The following SYT1 variants were observed in gnomAD, a reference collection of about 807,000 sequenced individuals.
The protein encoded by SYT1 is synaptotagmin-1.
Under a neutral mutation model 44.8 loss-of-function variants are expected in SYT1, and 8 were observed. The observed-to-expected ratio is 0.18, with a 90% CI of 0.10 to 0.32. SYT1 has a LOEUF of 0.32. Ranked by LOEUF, SYT1 falls within the 10% of genes least tolerant of loss-of-function variation. The pLI is 1.00. For synonymous variants in SYT1, 154 were observed against 188.8 expected (o/e 0.82, Z 1.51); for missense variants, 286 against 509.3 (o/e 0.56, Z 4.22).
chr12:79,042,234 G>A (rs958569824), intron 2 of SYT1, among the ~76,000 whole-genome samples: 3 of 151,912 alleles, frequency 2.0e-5, no homozygotes, highest in South Asian at 2.1e-4. Flanking sequence ...GGTAGAATTC[G>A]GCTGTGAATC....
chr12:79,400,187 C>G (rs941515699), intron 9 of SYT1, among the ~76,000 whole-genome samples: 1 of 152,124 alleles, frequency 6.6e-6, no homozygotes, highest in African/African-American at 2.4e-5. Context: ...CTAACTTATC[C>G]TTTATGTTTA....
chr12:79,166,927 T>G (rs1423473700), intron 3 of SYT1, among the ~76,000 whole-genome samples: 1 of 152,086 alleles, frequency 6.6e-6, no homozygotes, highest in African/African-American at 2.4e-5. Context: ...AACGAGGATA[T>G]AATTTCTACC....
chr12:79,036,459 TAAAAGAATGTTTACATAA>T (rs1422403181), intron 2 of SYT1: 1 of 151,836 alleles, frequency 6.6e-6, no homozygotes, highest in Non-Finnish European at 1.5e-5. Context: ...GACCCTGTAG[TAAAAGAATGTTTACATAA>T]ACTCCTACCA....
chr12:79,248,015 C>T (rs1435074157), intron 4 of SYT1, among the ~76,000 whole-genome samples: 10 of 151,986 alleles, frequency 6.6e-5, no homozygotes, highest in Non-Finnish European at 2.9e-5. Flanking sequence ...AAGAATAGTC[C>T]GAATAATTAA....
intron 1 of SYT1, among the ~76,000 whole-genome samples, chr12:78,928,514 A>G (rs1173412561): frequency 6.6e-6 from 1 of 152,096 alleles, no homozygotes; most frequent in Non-Finnish European, 1.5e-5. Context: ...TTTTTCCCTT[A>G]AAGGAAGCAC....
intron 4 of SYT1, among the ~76,000 whole-genome samples, chr12:79,246,358 C>G (rs1428253804): frequency 2.0e-5 from 3 of 152,184 alleles, no homozygotes; most frequent in Non-Finnish European, 2.9e-5. Flanking sequence ...TTTCATAAGT[C>G]CATTCCAGTT....
chr12:79,017,240 C>T (rs1030608069), intron 2 of SYT1, among the ~76,000 whole-genome samples: 6 of 152,098 alleles, frequency 3.9e-5, no homozygotes, highest in East Asian at 1.9e-4. Context: ...AATTGTAGTA[C>T]ATTCATTTTA....
rs566175647 is a variant in SYT1, at chr12:78,894,330, G to GTTTTTTTTTTTTTTTTTTTTTTTTTT, written c.-217+29231_-217+29256dup. Reference sequence around the variant, plus strand: ...AATTTATGATTGTGTTTTTTAATCTGTTTTTTTTTTTTTTTTTTTTTTTTT... The same window carrying GTTTTTTTTTTTTTTTTTTTTTTTTTT: ...AATTTATGATTGTGTTTTTTAATCTGTTTTTTTTTTTTTTTTTTTTTTTTTTTTTTTTTTTTTTTTTTTTTTTTTTT... On this transcript the variant is annotated intron_variant, in intron 1 of 10. Transcript: ENST00000261205. Among the ~76,000 whole-genome samples, 10 of 27,730 alleles carry GTTTTTTTTTTTTTTTTTTTTTTTTTT rather than the reference G, an allele frequency of 3.6e-4. 3 individuals are homozygous for GTTTTTTTTTTTTTTTTTTTTTTTTTT. Among genetic ancestry groups the GTTTTTTTTTTTTTTTTTTTTTTTTTT allele is most frequent in the South Asian group, 2.1e-3 (1 of 466 alleles). 18.2% of individuals were successfully genotyped at this position (27,730 alleles called of 152,430 possible). A position where few individuals can be genotyped will look rare whatever the true frequency, so the allele number is the denominator to read the frequency against.
At chr12:79,091,539 T>C (rs1877775165) in intron 3 of SYT1, among the ~76,000 whole-genome samples, 1 of 152,006 alleles carries the variant, frequency 6.6e-6, no homozygotes, top group South Asian at 2.1e-4. Flanking sequence ...GATTTTAAGT[T>C]GTTATTGTGA....
intron 1 of SYT1, among the ~76,000 whole-genome samples, chr12:78,934,575 A>T (rs1004347460): frequency 6.6e-6 from 1 of 152,060 alleles, no homozygotes; most frequent in Non-Finnish European, 1.5e-5. Flanking sequence ...AACAACAGAA[A>T]AAACACTTGT....
chr12:79,146,190 T>C (rs1043245570), intron 3 of SYT1, among the ~76,000 whole-genome samples: 15 of 152,188 alleles, frequency 9.9e-5, no homozygotes, highest in Non-Finnish European at 2.2e-4. Flanking sequence ...CCTAACCATC[T>C]TTCAGCCCTA....
At chr12:78,988,736 G>A (rs780622666) in intron 2 of SYT1, among the ~76,000 whole-genome samples, 2 of 152,036 alleles carry the variant, frequency 1.3e-5, no homozygotes, top group Non-Finnish European at 2.9e-5. Context: ...GAAATGACAT[G>A]GAGTTGTGAT....
rs1032115772 is a variant in SYT1, at chr12:79,449,491, G to C, written c.*367G>C. ...GTGTATATCTAGATGTTTTTAATAA[G>C]ATGTTCTATTTTAAACTATGTAAAT... On this transcript the variant is annotated 3_prime_UTR_variant, in exon 11 of 11. Transcript: ENST00000261205. 1 of 197,596 alleles carries C rather than the reference G, an allele frequency of 5.1e-6. No homozygotes were observed. Among genetic ancestry groups the C allele is most frequent in the African/African-American group, 2.4e-5 (1 of 42,334 alleles). 12.2% of individuals were successfully genotyped at this position (197,596 alleles called of 1,614,324 possible). A position where few individuals can be genotyped will look rare whatever the true frequency, so the allele number is the denominator to read the frequency against.
At chr12:78,962,326 T>C (rs1197283321) in intron 1 of SYT1, among the ~76,000 whole-genome samples, 5 of 146,170 alleles carry the variant, frequency 3.4e-5, no homozygotes, top group Non-Finnish European at 7.6e-5. Flanking sequence ...TTCAATAGCA[T>C]TCTTTCTTTT....
At chr12:79,294,193 T>C (rs1238817437) in intron 6 of SYT1, among the ~76,000 whole-genome samples, 1 of 152,078 alleles carries the variant, frequency 6.6e-6, no homozygotes, top group Non-Finnish European at 1.5e-5. Context: ...TTTTATAAAG[T>C]AGTATTTTTA....
At chr12:79,215,759 G>A (rs1369211224) in intron 3 of SYT1, among the ~76,000 whole-genome samples, 1 of 152,010 alleles carries the variant, frequency 6.6e-6, no homozygotes, top group East Asian at 1.9e-4. Context: ...ATATGTGTTA[G>A]CCTCAGCCAT....
intron 3 of SYT1, among the ~76,000 whole-genome samples, chr12:79,145,645 C>A (rs1299258289): frequency 1.3e-5 from 2 of 152,092 alleles, no homozygotes; most frequent in African/African-American, 4.8e-5. Context: ...TAAATTGTGG[C>A]ACAAATGTTT....
At chr12:79,138,842 T>C (rs1395038939) in intron 3 of SYT1, among the ~76,000 whole-genome samples, 2 of 152,180 alleles carry the variant, frequency 1.3e-5, no homozygotes, top group Non-Finnish European at 2.9e-5. Context: ...GGGGCCAGGG[T>C]GAGGCAAGTG....
chr12:78,916,325 A>G (rs1469218242), intron 1 of SYT1, among the ~76,000 whole-genome samples: 1 of 152,104 alleles, frequency 6.6e-6, no homozygotes, highest in Non-Finnish European at 1.5e-5. Context: ...GCATAAAACA[A>G]AATTCTCATG....
Sources: gnomAD v4.1 joint callset for allele counts (sites outside exome capture counted in the v4.1 genomes callset) on GRCh38, gnomAD v4.1.1 for gene constraint, MANE v1.5 for transcripts, NCBI Gene and HGNC (gene_info 2026-07-23, HGNC 2026-07-21) for gene names.